The following PPM1H variants were observed in gnomAD, a reference collection of about 807,000 sequenced individuals.
PPM1H encodes the protein protein phosphatase 1H.
A neutral mutation model predicts 54.9 loss-of-function variants in PPM1H; 27 were observed. The observed-to-expected ratio is 0.49, with a 90% CI of 0.36 to 0.68. The LOEUF (loss-of-function observed/expected upper bound fraction) is 0.68, where lower values mean the gene tolerates loss of function less well. PPM1H is among the 30% of genes least tolerant of loss of function. The pLI, the probability that PPM1H is intolerant of heterozygous loss-of-function variation, is 0.00. For missense variants in PPM1H, 596 were observed against 667.8 expected, an observed-to-expected ratio of 0.89 and a Z score of 1.19; for synonymous variants, 305 against 270.8, an observed-to-expected ratio of 1.13 and a Z score of -1.24.
intron 2 of PPM1H, among the ~76,000 whole-genome samples, chr12:62,824,434 C>T (rs1315796190): frequency 6.6e-6 from 1 of 152,192 alleles, no homozygotes; most frequent in Non-Finnish European, 1.5e-5. Flanking sequence ...ATAGAGCCCA[C>T]ATTGCCAAGA....
intron 1 of PPM1H, among the ~76,000 whole-genome samples, chr12:62,846,456 C>T (rs553812629): frequency 1.5e-4 from 22 of 151,310 alleles, no homozygotes; most frequent in East Asian, 5.8e-4. Context: ...GCCGAGATTG[C>T]GCCACTGCAC....
In PPM1H at chr12:62,812,857, TCTAA is replaced by T. The variant is rs138773757; in HGVS notation, c.412-10701_412-10698del. On this transcript the variant is annotated intron_variant, in intron 2 of 9. Transcript: ENST00000228705. ...AATACAAGATTGTTCCAAACAGAAA[TCTAA>T]CTATTAAACAAGGAGCTGAAGTCAT... 3.7e-3 allele frequency among the ~76,000 whole-genome samples: 554 copies of T among 151,016 alleles called. 3 individuals carry two copies. The highest frequency in any genetic ancestry group is 0.013 in the African/African-American group (541 of 41,074).
chr12:62,894,771 C>T (rs763251250), intron 1 of PPM1H, among the ~76,000 whole-genome samples: 3 of 152,138 alleles, frequency 2.0e-5, no homozygotes, highest in Non-Finnish European at 2.9e-5. Context: ...GTGGCTCACG[C>T]CTTTAATCTC....
At chr12:62,707,975 T>A (rs2076184503) in intron 6 of PPM1H, among the ~76,000 whole-genome samples, 1 of 152,214 alleles carries the variant, frequency 6.6e-6, no homozygotes, top group Non-Finnish European at 1.5e-5. Context: ...TATGGCAGAA[T>A]ACTACAGCTT....
At chr12:62,846,605 C>G (rs1868980283) in intron 1 of PPM1H, among the ~76,000 whole-genome samples, 1 of 151,732 alleles carries the variant, frequency 6.6e-6, no homozygotes. Flanking sequence ...GGTCTCCTCG[C>G]ACCCCCTCAT....
chr12:62,646,032 C>T lies in PPM1H; in HGVS notation c.*2457G>A, dbSNP rs977007984. The T allele has an allele frequency of 1.1e-4, 16 of 152,168 alleles. No homozygotes were observed. The highest frequency in any genetic ancestry group is 3.4e-4 in the African/African-American group (14 of 41,430). 9.4% of individuals were successfully genotyped at this position (152,168 alleles called of 1,614,324 possible). Reference sequence around the variant, plus strand: ...AGTGCTGGACAGATCTGCCATGCTTCGTTTACATCATGTTTCCTACTTTTG... The same window carrying T: ...AGTGCTGGACAGATCTGCCATGCTTTGTTTACATCATGTTTCCTACTTTTG... On this transcript the variant is annotated 3_prime_UTR_variant, in exon 10 of 10. Transcript: ENST00000228705.
intron 2 of PPM1H, among the ~76,000 whole-genome samples, chr12:62,814,582 A>C (rs1361584759): frequency 6.6e-6 from 1 of 152,206 alleles, no homozygotes; most frequent in Non-Finnish European, 1.5e-5. Context: ...CTGAAGGGAA[A>C]AAGTGGTATC....
chr12:62,779,537 C>T (rs1255904631), intron 4 of PPM1H, among the ~76,000 whole-genome samples: 1 of 152,226 alleles, frequency 6.6e-6, no homozygotes. Flanking sequence ...TGAGCAGTTG[C>T]CATACACCTG....
chr12:62,899,790 G>C (rs1871103384), intron 1 of PPM1H, among the ~76,000 whole-genome samples: 1 of 152,166 alleles, frequency 6.6e-6, no homozygotes, highest in Admixed American at 6.5e-5. Context: ...AGTAACTTTG[G>C]AGAGTAGGAC....
At chr12:62,753,407 G>A (rs1043867282) in intron 4 of PPM1H, among the ~76,000 whole-genome samples, 3 of 152,150 alleles carry the variant, frequency 2.0e-5, no homozygotes, top group Non-Finnish European at 2.9e-5. Flanking sequence ...ATATACTCAC[G>A]TGGATTGTTG....
chr12:62,866,283 C>T (rs1869773736), intron 1 of PPM1H, among the ~76,000 whole-genome samples: 1 of 149,902 alleles, frequency 6.7e-6, no homozygotes, highest in Admixed American at 6.6e-5. Context: ...GGAGCACTGA[C>T]TTTGGTACTT....
At chr12:62,924,764 G>A (rs367724458) in intron 1 of PPM1H, among the ~76,000 whole-genome samples, 15 of 152,082 alleles carry the variant, frequency 9.9e-5, no homozygotes, top group Non-Finnish European at 1.9e-4. Context: ...GCAATTAGCC[G>A]GGTGTGGTGG....
At chr12:62,870,927 G>T (rs572600522) in intron 1 of PPM1H, among the ~76,000 whole-genome samples, 1 of 152,360 alleles carries the variant, frequency 6.6e-6, no homozygotes, top group South Asian at 2.1e-4. Context: ...TGTTGCTGTG[G>T]ATGTGGAGAA....
intron 2 of PPM1H, among the ~76,000 whole-genome samples, chr12:62,813,715 A>G (rs980697751): frequency 2.0e-5 from 3 of 152,232 alleles, no homozygotes; most frequent in African/African-American, 7.2e-5. Context: ...ATATCTAGCC[A>G]AAATACTCTG....
chr12:62,862,834 T>G (rs1869647796), intron 1 of PPM1H, among the ~76,000 whole-genome samples: 1 of 152,216 alleles, frequency 6.6e-6, no homozygotes. Context: ...AATTTATCCT[T>G]TATCATCTAA....
At chr12:62,704,255 GA>G (rs1463906768) in intron 6 of PPM1H, among the ~76,000 whole-genome samples, 2 of 152,118 alleles carry the variant, frequency 1.3e-5, no homozygotes, top group African/African-American at 4.8e-5. Flanking sequence ...TGAGTCTGAA[GA>G]GGCTGCGAAA....
intron 2 of PPM1H, 67 bp downstream of exon 2, chr12:62,832,047 C>T: frequency 1.3e-6 from 2 of 1,549,892 alleles, no homozygotes. Flanking sequence ...GCCCTAATGT[C>T]TTCCAGTGGG....
At chr12:62,663,696 G>A (rs916263551) in intron 9 of PPM1H, among the ~76,000 whole-genome samples, 3 of 152,100 alleles carry the variant, frequency 2.0e-5, no homozygotes, top group African/African-American at 7.2e-5. Context: ...GAGCCTTTAA[G>A]TTGTAAGAAT....
intron 2 of PPM1H, among the ~76,000 whole-genome samples, chr12:62,808,467 T>C (rs1047040913): frequency 4.6e-5 from 7 of 152,140 alleles, no homozygotes; most frequent in African/African-American, 1.7e-4. Flanking sequence ...CCAGAGTGAT[T>C]TTTCCTAAAA....
Sources: allele counts gnomAD v4.1 joint callset (sites outside exome capture counted in the v4.1 genomes callset), GRCh38; gene constraint gnomAD v4.1.1; transcripts MANE v1.5; gene names NCBI Gene and HGNC (gene_info 2026-07-23, HGNC 2026-07-21).